The following RGPD2 variants were observed in gnomAD, a reference collection of about 807,000 sequenced individuals.
RGPD2 encodes RANBP2 like and GRIP domain containing 2.
A neutral mutation model predicts 36.0 loss-of-function variants in RGPD2; 2 were observed. The ratio of observed to expected loss-of-function variants is 0.06; its 90% CI spans 0.02 to 0.17. The LOEUF (loss-of-function observed/expected upper bound fraction) is 0.17. RGPD2 is among the 10% of genes least tolerant of loss of function. RGPD2 has a pLI of 1.00. For synonymous variants in RGPD2, 19 were observed against 163.8 expected, an observed-to-expected ratio of 0.12 and a Z score of 6.75; for missense variants, 40 against 464.3, an observed-to-expected ratio of 0.09 and a Z score of 8.40.
the RGPD2 span, among the ~76,000 whole-genome samples, chr2:87,918,150 A>G: frequency 8.1e-6 from 1 of 124,186 alleles, no homozygotes; most frequent in South Asian, 2.3e-4. Context: ...AGGACTTCCT[A>G]TAAAGGTGTA....
chr2:87,883,624 C>T, the RGPD2 span, among the ~76,000 whole-genome samples: 4 of 151,734 alleles, frequency 2.6e-5, no homozygotes, highest in African/African-American at 7.2e-5. Flanking sequence ...TGGAGAAACA[C>T]GTTAAAGGGA....
chr2:87,920,359 T>C, the RGPD2 span, among the ~76,000 whole-genome samples: 3 of 151,862 alleles, frequency 2.0e-5, no homozygotes, highest in Non-Finnish European at 4.4e-5. Context: ...CTCCACTGAC[T>C]ATCTTTTTAA....
chr2:87,809,723 C>T (rs1401659923), intron 6 of RGPD2, among the ~76,000 whole-genome samples: 2 of 151,474 alleles, frequency 1.3e-5, no homozygotes, highest in Admixed American at 1.3e-4. Context: ...TTTTATCTTC[C>T]TCAGGGTCCT....
the RGPD2 span, among the ~76,000 whole-genome samples, chr2:87,869,753 C>A: frequency 6.6e-6 from 1 of 152,150 alleles, no homozygotes; most frequent in African/African-American, 2.4e-5. Flanking sequence ...TTTCGAACAC[C>A]TCTCTACAAA....
At chr2:87,967,406 C>T in the RGPD2 span, among the ~76,000 whole-genome samples, 1 of 148,798 alleles carries the variant, frequency 6.7e-6, no homozygotes, top group African/African-American at 2.6e-5. Context: ...GAGACTCCAT[C>T]TCAAAAAAAA....
the RGPD2 span, among the ~76,000 whole-genome samples, chr2:87,872,895 G>C: frequency 5.3e-5 from 8 of 152,162 alleles, no homozygotes; most frequent in African/African-American, 1.7e-4. Flanking sequence ...GAGTAGCTGA[G>C]ATTACAGGCA....
chr2:87,772,235 G>GA lies in RGPD2; in HGVS notation c.5169dup (p.Pro1724SerfsTer12), dbSNP rs1312141657. ...AGCTGCAACATCGTATTTATAACAGGAAGAAGGCTCTCTCTCTCACTACCT... is the reference window on the plus strand; with the variant it reads ...AGCTGCAACATCGTATTTATAACAGGAAAGAAGGCTCTCTCTCTCACTACCT... On this transcript the variant is annotated frameshift_variant, in exon 22 of 23. Transcript: ENST00000398146. LOFTEE classifies it high-confidence loss of function. 1.4e-6 allele frequency: 2 copies of GA among 1,389,008 alleles called. No homozygotes were observed. Among genetic ancestry groups the GA allele is most frequent in the African/African-American group, 3.5e-5 (2 of 56,624 alleles). 86.0% of individuals were successfully genotyped at this position (1,389,008 alleles called of 1,614,324 possible). A position where few individuals can be genotyped will look rare whatever the true frequency, so the allele number is the denominator to read the frequency against.
chr2:87,881,651 C>T, the RGPD2 span, among the ~76,000 whole-genome samples: 4 of 148,634 alleles, frequency 2.7e-5, no homozygotes, highest in Admixed American at 6.7e-5. Context: ...AGAAGTTTCA[C>T]GTTTTCCTTC....
At chr2:87,885,182 G>A in the RGPD2 span, among the ~76,000 whole-genome samples, 1 of 152,050 alleles carries the variant, frequency 6.6e-6, no homozygotes, top group Non-Finnish European at 1.5e-5. Flanking sequence ...TCCCTGGGAT[G>A]CAAGATTGGT....
chr2:87,904,987 A>C, the RGPD2 span, among the ~76,000 whole-genome samples: 1 of 152,126 alleles, frequency 6.6e-6, no homozygotes, highest in Non-Finnish European at 1.5e-5. Context: ...ATTTAAGGGC[A>C]GACTCTAAAC....
At chr2:87,885,402 A>G in the RGPD2 span, among the ~76,000 whole-genome samples, 1 of 152,060 alleles carries the variant, frequency 6.6e-6, no homozygotes, top group Non-Finnish European at 1.5e-5. Context: ...CATCGTACTC[A>G]GGAATTAAAA....
At chr2:87,889,240 T>TAA in the RGPD2 span, among the ~76,000 whole-genome samples, 1 of 96,216 alleles carries the variant, frequency 1.0e-5, no homozygotes, top group Non-Finnish European at 2.1e-5. Context: ...TGAATAAGAA[T>TAA]AATGACTTTT....
the RGPD2 span, among the ~76,000 whole-genome samples, chr2:87,938,022 G>T: frequency 6.6e-6 from 1 of 151,792 alleles, no homozygotes; most frequent in African/African-American, 2.4e-5. Flanking sequence ...TAGTATGTGG[G>T]AAGTAAGGGA....
the RGPD2 span, among the ~76,000 whole-genome samples, chr2:87,984,211 T>C: frequency 6.6e-6 from 1 of 151,946 alleles, no homozygotes; most frequent in Non-Finnish European, 1.5e-5. Flanking sequence ...ACACCACAAA[T>C]AAACACTGTG....
the RGPD2 span, among the ~76,000 whole-genome samples, chr2:87,875,624 A>G: frequency 1.3e-5 from 2 of 152,290 alleles, no homozygotes; most frequent in East Asian, 3.9e-4. Flanking sequence ...CCTTTTATTG[A>G]AAAATTTTTA....
At chr2:87,877,116 T>G in the RGPD2 span, among the ~76,000 whole-genome samples, 26,956 of 145,734 alleles carry the variant, frequency 0.18, no homozygotes, top group African/African-American at 0.31. Flanking sequence ...GAGATGGGTC[T>G]CTTGAGGACA....
chr2:87,824,723 CGCCGCCCGGCCAGGCCGAG>C (rs1260133687), intron 1 of RGPD2, among the ~76,000 whole-genome samples: 6 of 120,332 alleles, frequency 5.0e-5, no homozygotes, highest in South Asian at 2.8e-4. Flanking sequence ...AGGCCGCCGC[CGCCGCCCGGCCAGGCCGAG>C]GCCGCCGCCG....
the RGPD2 span, among the ~76,000 whole-genome samples, chr2:87,877,599 C>A: frequency 6.6e-6 from 1 of 152,216 alleles, no homozygotes; most frequent in Non-Finnish European, 1.5e-5. Flanking sequence ...GTCAGGAGAT[C>A]AAGACCATCC....
chr2:87,974,601 C>T, the RGPD2 span, among the ~76,000 whole-genome samples: 2 of 152,184 alleles, frequency 1.3e-5, no homozygotes, highest in Non-Finnish European at 2.9e-5. Context: ...TTTCAATCAG[C>T]TAAAAATTCC....
Sources: gnomAD v4.1 joint callset for allele counts (sites outside exome capture counted in the v4.1 genomes callset) on GRCh38, gnomAD v4.1.1 for gene constraint, MANE v1.5 for transcripts, NCBI Gene and HGNC (gene_info 2026-07-23, HGNC 2026-07-21) for gene names.